TMC7: variants seen among roughly 807,000 people sequenced by gnomAD.
TMC7 encodes the protein transmembrane channel-like protein 7.
A neutral mutation model predicts 82.9 loss-of-function variants in TMC7; 54 were observed. That is an observed-to-expected ratio of 0.65 (90% CI 0.52 to 0.82). The LOEUF (loss-of-function observed/expected upper bound fraction) is 0.82, where lower values mean the gene tolerates loss of function less well. Among genes scored for constraint, TMC7 ranks in the 40% least tolerant of loss-of-function variants. TMC7 has a pLI of 0.00. For missense variants in TMC7, 820 were observed against 901.2 expected (o/e 0.91, Z 1.15); for synonymous variants, 350 against 337.9 (o/e 1.04, Z -0.39).
chr16:19,016,303 TG>T lies in TMC7; in HGVS notation c.312-145del, dbSNP rs984235896. The stretch of plus-strand genomic sequence containing the variant: ...TGGTGTTTCACCATGTTGGCCAGGC[TG>T]GTCTTGAACTCCTGACCTCAGGTGA... On this transcript the variant is annotated intron_variant, in intron 2 of 15. Transcript: ENST00000304381. The T allele has an allele frequency of 6.1e-5, 48 of 782,062 alleles. No homozygotes were observed. In the African/African-American group the frequency reaches 8.3e-4, roughly 13 times the overall value. 48.4% of individuals were successfully genotyped at this position (782,062 alleles called of 1,614,324 possible). A position where few individuals can be genotyped will look rare whatever the true frequency, so the allele number is the denominator to read the frequency against.
At chr16:19,049,127 G>A (rs929999632) in intron 12 of TMC7, among the ~76,000 whole-genome samples, 1 of 152,040 alleles carries the variant, frequency 6.6e-6, no homozygotes, top group Admixed American at 6.6e-5. Context: ...GGGTTCAAGC[G>A]ATTCTTGTGC....
intron 12 of TMC7, among the ~76,000 whole-genome samples, chr16:19,049,146 C>G (rs1278420724): frequency 6.6e-6 from 1 of 152,130 alleles, no homozygotes; most frequent in African/African-American, 2.4e-5. Flanking sequence ...GCCTCAGCCT[C>G]TTGAGCAGCT....
Position 19,045,057 on chromosome 16 carries a change from A to G in TMC7, c.1455+56A>G, listed in dbSNP as rs1326032450. ...GTGGGTCCTTCTGGAATACAGTGTCATGGTCAAGAGAACAGCGGTTGAAGC... is the reference window on the plus strand; with the variant it reads ...GTGGGTCCTTCTGGAATACAGTGTCGTGGTCAAGAGAACAGCGGTTGAAGC... On this transcript the variant is annotated intron_variant, in intron 10 of 15. Coordinates refer to ENST00000304381, the MANE Select transcript of TMC7 (RefSeq NM_024847.4). The G allele has an allele frequency of 4.4e-6, 6 of 1,361,654 alleles. No homozygotes were observed. The East Asian group carries it at 1.4e-4, about 31-fold the overall frequency. 84.3% of individuals were successfully genotyped at this position (1,361,654 alleles called of 1,614,324 possible).
Position 18,984,090 on chromosome 16 carries a change from C to G in TMC7, c.27C>G (p.Leu9=). The G allele has an allele frequency of 6.7e-7, 1 of 1,503,304 alleles. No individual in the cohort carries two copies. Among genetic ancestry groups the G allele is most frequent in the Non-Finnish European group, 8.8e-7 (1 of 1,134,154 alleles). The allele number at this position is 1,503,304 out of a possible 1,614,324, so 93.1% of individuals were successfully genotyped here. A position where few individuals can be genotyped will look rare whatever the true frequency, so the allele number is the denominator to read the frequency against. MSESSGSA[L]QPGRPSRQPA... ...TGAGCGAGTCCAGCGGCAGTGCGCT[C>G]CAGCCCGGCAGGCCCAGCCGGCAGC... is the stretch of plus-strand genomic sequence containing the variant. The change falls in exon 1 of 16, where the codon CTC becomes CTG. Residue 9 remains leucine, a synonymous_variant. Transcript: ENST00000304381.
intron 14 of TMC7, 53 bp from the exon 15 acceptor site, chr16:19,059,363 T>C (rs1360032060): frequency 1.6e-5 from 25 of 1,587,132 alleles, no homozygotes; most frequent in Non-Finnish European, 2.0e-5. Context: ...TATTTTTCTA[T>C]TGGCCTTCAG....
At chr16:19,047,273 G>A (rs201691822) in intron 12 of TMC7, 24 bp downstream of exon 12, 3 of 1,604,924 alleles carry the variant, frequency 1.9e-6, no homozygotes, top group East Asian at 2.2e-5. Context: ...GGGAATGGGG[G>A]CTCATATACT....
At position 19,045,601 on chromosome 16, in the gene TMC7, T is replaced by C. The variant is rs1201180533; in HGVS notation, c.1553+163T>C. ...ACAACTGGTAACTTTCTTTTTTTTT[T>C]TTTTTTTTTTTTTGAGGCAGGGTCT... is the stretch of plus-strand genomic sequence containing the variant. On this transcript the variant is annotated intron_variant, in intron 11 of 15. Coordinates refer to ENST00000304381, the MANE Select transcript of TMC7 (RefSeq NM_024847.4). Among the ~76,000 whole-genome samples, 3 of 143,924 alleles carry C rather than the reference T, an allele frequency of 2.1e-5. 1 individual carries two copies. Among genetic ancestry groups the C allele is most frequent in the African/African-American group, 7.8e-5 (3 of 38,682 alleles). The allele number at this position is 143,924 out of a possible 152,430, so 94.4% of individuals were successfully genotyped here. A position where few individuals can be genotyped will look rare whatever the true frequency, so the allele number is the denominator to read the frequency against.
chr16:19,007,781 CTT>C (rs796593328), intron 1 of TMC7, among the ~76,000 whole-genome samples: 158 of 143,588 alleles, frequency 1.1e-3, no homozygotes, highest in African/African-American at 3.2e-3. Flanking sequence ...CCACTCTGTT[CTT>C]TTTTTTTTTT....
chr16:19,004,832 A>C (rs530487038), intron 1 of TMC7, among the ~76,000 whole-genome samples: 108 of 151,774 alleles, frequency 7.1e-4, no homozygotes, highest in Non-Finnish European at 1.4e-3. Flanking sequence ...CTCAGTTATT[A>C]ATCTGTAACA....
At position 19,003,391 on chromosome 16, in the gene TMC7, G is replaced by A. The variant is rs568518010; in HGVS notation, c.68-5781G>A. 9.4e-4 allele frequency among the ~76,000 whole-genome samples: 137 copies of A among 145,236 alleles called. 2 individuals carry two copies. The highest frequency in any genetic ancestry group is 3.4e-3 in the African/African-American group (130 of 38,514). On this transcript the variant is annotated intron_variant, in intron 1 of 15. Coordinates refer to ENST00000304381, the MANE Select transcript of TMC7 (RefSeq NM_024847.4). Reference sequence around the variant, plus strand: ...GCCCCTCTGCCCGGCCAGCCGCCCCGTCCGGGAGGGAGGTGGGGGGGGTCA... The same window carrying A: ...GCCCCTCTGCCCGGCCAGCCGCCCCATCCGGGAGGGAGGTGGGGGGGGTCA...
intron 4 of TMC7, among the ~76,000 whole-genome samples, chr16:19,022,742 G>T (rs1238776633): frequency 2.6e-5 from 4 of 152,320 alleles, no homozygotes; most frequent in Non-Finnish European, 5.9e-5. Flanking sequence ...AAACAGGCAG[G>T]CTGTGGCCGG....
chr16:19,030,149 T>G, intron 5 of TMC7, 75 bp from the exon 6 acceptor site: 2 of 1,482,664 alleles, frequency 1.3e-6, no homozygotes, highest in Non-Finnish European at 1.8e-6. Context: ...TTGTGTTCCT[T>G]GAGGCAGGGA....
intron 6 of TMC7, among the ~76,000 whole-genome samples, chr16:19,031,128 G>A (rs533406338): frequency 1.3e-5 from 2 of 152,274 alleles, no homozygotes; most frequent in African/African-American, 4.8e-5. Flanking sequence ...TCAATTCTTA[G>A]GTGTAGTGGT....
At position 19,045,107 on chromosome 16, in the gene TMC7, C is replaced by T. The variant is rs944947107; in HGVS notation, c.1455+106C>T. ...CCATGGGTTTGAACTGCATTTGCTT[C>T]GCTTTCTTGTTCTAGTGATGAGACA... On this transcript the variant is annotated intron_variant, in intron 10 of 15. Transcript: ENST00000304381. The T allele has an allele frequency of 1.8e-5, 18 of 980,846 alleles. No homozygotes were observed. In the African/African-American group the frequency reaches 2.4e-4, roughly 13 times the overall value. The allele number at this position is 980,846 out of a possible 1,614,324, so 60.8% of individuals were successfully genotyped here.
chr16:19,030,392 C>A, intron 6 of TMC7, 23 bp downstream of exon 6: 1 of 1,598,690 alleles, frequency 6.3e-7, no homozygotes, highest in Non-Finnish European at 8.5e-7. Context: ...TTTGCATTCT[C>A]TCTGAATTAC....
chr16:19,051,354 A>T (rs1280576681), intron 12 of TMC7, among the ~76,000 whole-genome samples: 1 of 150,854 alleles, frequency 6.6e-6, no homozygotes, highest in African/African-American at 2.4e-5. Context: ...TGCACCCATT[A>T]ACTTGTCATT....
intron 5 of TMC7, among the ~76,000 whole-genome samples, chr16:19,029,112 TCTC>T (rs1960378065): frequency 6.6e-6 from 1 of 151,130 alleles, no homozygotes; most frequent in South Asian, 2.1e-4. Flanking sequence ...TTCACACCAT[TCTC>T]CTGCTTCAGC....
intron 3 of TMC7, among the ~76,000 whole-genome samples, chr16:19,020,199 TA>T: frequency 6.6e-6 from 1 of 152,188 alleles, no homozygotes; most frequent in East Asian, 1.9e-4. Context: ...ATTTTGATTT[TA>T]AAAACCTATA....
intron 15 of TMC7, chr16:19,059,861 C>T: frequency 1.9e-6 from 1 of 539,182 alleles, no homozygotes; most frequent in Non-Finnish European, 3.3e-6. Flanking sequence ...CCTGTAATCC[C>T]AGCTACTTGG....
Sources: allele counts gnomAD v4.1 joint callset (sites outside exome capture counted in the v4.1 genomes callset), GRCh38; gene constraint gnomAD v4.1.1; transcripts MANE v1.5; gene names NCBI Gene and HGNC (gene_info 2026-07-23, HGNC 2026-07-21).